ZNF200: variants seen among roughly 807,000 people sequenced by gnomAD.
The protein encoded by ZNF200 is zinc finger protein 200.
Under a neutral mutation model 33.6 loss-of-function variants are expected in ZNF200, and 35 were observed. That is an observed-to-expected ratio of 1.04 (90% CI 0.80 to 1.38). ZNF200 has a LOEUF of 1.38. Among genes scored for constraint, ZNF200 ranks in the 40% most tolerant of loss-of-function variants. The pLI, the probability that ZNF200 is intolerant of heterozygous loss-of-function variation, is 0.00. For synonymous variants in ZNF200, 209 were observed against 167.7 expected (o/e 1.25, Z -1.90); for missense variants, 592 against 470.6 (o/e 1.26, Z -2.39).
intron 4 of ZNF200, among the ~76,000 whole-genome samples, chr16:3,230,216 G>T (rs925978615): frequency 6.6e-6 from 1 of 151,424 alleles, no homozygotes; most frequent in South Asian, 2.3e-4. Context: ...TTCTTGTACA[G>T]CCTACAGAAA....
In ZNF200 at chr16:3,223,889, G is replaced by A. The variant is rs372250551; in HGVS notation, c.*3C>T. Reference sequence around the variant, plus strand: ...CCATCAGACCCAGAAAGGGTTCCCAGTATTACTTCTGCTTTCGGGTCTTAC... The same window carrying A: ...CCATCAGACCCAGAAAGGGTTCCCAATATTACTTCTGCTTTCGGGTCTTAC... On this transcript the variant is annotated 3_prime_UTR_variant, in exon 5 of 5. Transcript: ENST00000414144. The A allele has an allele frequency of 3.1e-6, 5 of 1,606,262 alleles. No homozygotes were observed. The East Asian group carries it at 1.1e-4, about 36-fold the overall frequency.
rs190705795 is a variant in ZNF200, at chr16:3,222,472, C to T, written c.*1420G>A. ...AACTTTCCCATGTAAAAGCAATAAT[C>T]AACTATAAAAATATAATGGAAAAAA... On this transcript the variant is annotated 3_prime_UTR_variant, in exon 5 of 5. Transcript: ENST00000414144. 2.7e-4 allele frequency: 41 copies of T among 152,070 alleles called. No individual in the cohort carries two copies. The highest frequency in any genetic ancestry group is 9.6e-4 in the African/African-American group (40 of 41,500). 9.4% of individuals were successfully genotyped at this position (152,070 alleles called of 1,614,324 possible).
intron 4 of ZNF200, chr16:3,225,865 C>T (rs1292581021): frequency 6.6e-6 from 1 of 151,196 alleles, no homozygotes; most frequent in Non-Finnish European, 1.5e-5. Flanking sequence ...GTTGGAATCT[C>T]TGCTGGATTC....
chr16:3,232,365 G>C (rs1958657313), intron 4 of ZNF200, 56 bp downstream of exon 4: 1 of 1,587,606 alleles, frequency 6.3e-7, no homozygotes, highest in Non-Finnish European at 8.6e-7. Flanking sequence ...AAGAGATGAA[G>C]GACATGCTTT....
In ZNF200 at chr16:3,233,971, C is replaced by G. The variant is rs781143546; in HGVS notation, c.-81-135G>C. 6.9e-6 allele frequency: 4 copies of G among 576,052 alleles called. No individual in the cohort carries two copies. In the East Asian group the frequency reaches 1.4e-4, roughly 21 times the overall value. The allele number at this position is 576,052 out of a possible 1,614,324, so 35.7% of individuals were successfully genotyped here. A position where few individuals can be genotyped will look rare whatever the true frequency, so the allele number is the denominator to read the frequency against. On this transcript the variant is annotated intron_variant, in intron 1 of 4. Transcript: ENST00000414144. The stretch of plus-strand genomic sequence containing the variant: ...TGGGATAGGGAAATCATAACTGAAA[C>G]GCAGTATTTGAACAAGATATGCTTA...
At chr16:3,226,726 C>A (rs1488183116) in intron 4 of ZNF200, 4 of 152,154 alleles carry the variant, frequency 2.6e-5, no homozygotes, top group African/African-American at 9.7e-5. Context: ...CTTCTTTGTA[C>A]ATCATTTCGA....
intron 4 of ZNF200, among the ~76,000 whole-genome samples, chr16:3,229,158 TTA>T (rs1226853996): frequency 6.6e-6 from 1 of 151,968 alleles, no homozygotes; most frequent in Non-Finnish European, 1.5e-5. Flanking sequence ...CTACACCATT[TTA>T]TATAATGAAT....
chr16:3,225,890 A>G (rs370133318), intron 4 of ZNF200: 18 of 150,864 alleles, frequency 1.2e-4, no homozygotes, highest in African/African-American at 4.4e-4. Flanking sequence ...GTTTCACACC[A>G]ATAGATTTTT....
rs574509147 is a variant in ZNF200, at chr16:3,233,356, C to T, written c.250+150G>A. On this transcript the variant is annotated intron_variant, in intron 2 of 4. Coordinates refer to ENST00000414144, the MANE Select transcript of ZNF200 (RefSeq NM_198088.3). ...TCTGTGGCCTTACTCACACCCAGCACTTGAGAAGAACTTCCTCTTTCCAAC... is the reference window on the plus strand; with the variant it reads ...TCTGTGGCCTTACTCACACCCAGCATTTGAGAAGAACTTCCTCTTTCCAAC... 1.4e-4 allele frequency: 154 copies of T among 1,128,218 alleles called. No individual in the cohort carries two copies. In the African/African-American group the frequency reaches 1.5e-3, roughly 11 times the overall value. 69.9% of individuals were successfully genotyped at this position (1,128,218 alleles called of 1,614,324 possible). A position where few individuals can be genotyped will look rare whatever the true frequency, so the allele number is the denominator to read the frequency against.
Position 3,224,206 on chromosome 16 carries a change from T to C in ZNF200, c.874A>G (p.Lys292Glu). The stretch of plus-strand genomic sequence containing the variant: ...CGCTCATGTTTATTGAGGTTTGTTT[T>C]ATGATTGAAGCTTTTCCCACAGTGA... ...CNHCGKSFNH[K>E]TNLNKHERIH... The change falls in exon 5 of 5, where the codon AAA (lysine) becomes GAA (glutamate). Residue 292 changes from lysine (K) to glutamate (E), a missense_variant. By Grantham distance (56) the Lys-to-Glu change is moderately conservative. Transcript: ENST00000414144. 1.9e-6 allele frequency: 3 copies of C among 1,614,238 alleles called. No homozygotes were observed. Among genetic ancestry groups the C allele is most frequent in the Non-Finnish European group, 2.5e-6 (3 of 1,180,042 alleles).
chr16:3,232,720 A>T, intron 3 of ZNF200, 113 bp downstream of exon 3: 3 of 1,433,044 alleles, frequency 2.1e-6, no homozygotes, highest in African/African-American at 1.4e-5. Context: ...TCAAGGAAAA[A>T]GCAGAAGAAA....
At position 3,224,628 on chromosome 16, in the gene ZNF200, G is replaced by C. The variant is rs78570235; in HGVS notation, c.467-15C>G. The C allele has an allele frequency of 1.1e-3, 1,749 of 1,566,612 alleles. 14 individuals carry two copies. The African/African-American group carries it at 0.019, about 17-fold the overall frequency. ...GCCATTGACTGCTGAAACAAAGAGA[G>C]AATTTAACAACTTCTGAGAGATATC... On this transcript the variant is annotated splice_polypyrimidine_tract_variant and intron_variant, in intron 4 of 4. Coordinates refer to ENST00000414144, the MANE Select transcript of ZNF200 (RefSeq NM_198088.3).
At chr16:3,229,456 A>G (rs1958574424) in intron 4 of ZNF200, among the ~76,000 whole-genome samples, 1 of 152,212 alleles carries the variant, frequency 6.6e-6, no homozygotes, top group African/African-American at 2.4e-5. Flanking sequence ...GATTTAAGCA[A>G]AAATAAACCA....
In ZNF200 at chr16:3,233,752, T is replaced by A. The variant is rs1238587685; in HGVS notation, c.4A>T (p.Met2Leu). Reference sequence around the variant, plus strand: ...GGCATAGGAACCACTTTTGCAGCCATCATGCCTTGCAACCACACACCACAC... The same window carrying A: ...GGCATAGGAACCACTTTTGCAGCCAACATGCCTTGCAACCACACACCACAC... M[M>L]AAKVVPMPPK... The change falls in exon 2 of 5, where the codon ATG becomes TTG. Residue 2 changes from methionine (M) to leucine (L), a missense_variant. Physicochemically the swap from Met to Leu is conservative, Grantham distance 15 (BLOSUM62 2). Coordinates refer to ENST00000414144, the MANE Select transcript of ZNF200 (RefSeq NM_198088.3). The A allele has an allele frequency of 2.5e-6, 4 of 1,609,364 alleles. No homozygotes were observed. In the Admixed American group the frequency reaches 5.0e-5, roughly 20 times the overall value.
At chr16:3,227,811 G>C (rs1278938189) in intron 4 of ZNF200, 2 of 152,116 alleles carry the variant, frequency 1.3e-5, no homozygotes, top group African/African-American at 4.8e-5. Flanking sequence ...AAATTACCAA[G>C]TCTCGGACAA....
Position 3,233,541 on chromosome 16 carries a change from A to G in ZNF200, c.215T>C (p.Ile72Thr), listed in dbSNP as rs778011674. ...PSQKVKETLV[I>T]MKDVSSSLQN... ...AAGGCTTGAGCTCACATCTTTCATA[A>G]TAACCAAGGTCTCCTTGACTTTCTG... Residue 72 changes from isoleucine to threonine, a missense_variant, in exon 2 of 5, where the codon ATT becomes ACT. Ile to Thr is a moderately conservative substitution (Grantham distance 89). Coordinates refer to ENST00000414144, the MANE Select transcript of ZNF200 (RefSeq NM_198088.3). The G allele has an allele frequency of 6.3e-7, 1 of 1,579,898 alleles. No individual in the cohort carries two copies. The highest frequency in any genetic ancestry group is 2.3e-5 in the East Asian group (1 of 44,376).
chr16:3,232,632 C>T, intron 3 of ZNF200, 85 bp from the exon 4 acceptor site: 1 of 1,571,004 alleles, frequency 6.4e-7, no homozygotes, highest in Non-Finnish European at 8.6e-7. Context: ...ACACAAAGAT[C>T]AAGGGAAGGG....
intron 4 of ZNF200, among the ~76,000 whole-genome samples, chr16:3,228,747 G>T (rs951218609): frequency 6.6e-6 from 1 of 151,880 alleles, no homozygotes; most frequent in African/African-American, 2.4e-5. Context: ...GGTATCACCC[G>T]CCTTTGCCTC....
chr16:3,229,785 A>C (rs1203531340), intron 4 of ZNF200, among the ~76,000 whole-genome samples: 1 of 152,154 alleles, frequency 6.6e-6, no homozygotes, highest in African/African-American at 2.4e-5. Context: ...GAATGGCATG[A>C]ACCGCAGGGG....
Sources: allele counts gnomAD v4.1 joint callset (sites outside exome capture counted in the v4.1 genomes callset), GRCh38; gene constraint gnomAD v4.1.1; transcripts MANE v1.5; gene names NCBI Gene and HGNC (gene_info 2026-07-23, HGNC 2026-07-21).